Variants in BAZ2A observed in about 807,000 individuals in gnomAD.
The protein encoded by BAZ2A is bromodomain adjacent to zinc finger domain protein 2A.
In BAZ2A, 34 loss-of-function variants were observed where a neutral mutation model predicts 199.9. The ratio of observed to expected loss-of-function variants is 0.17; its 90% CI spans 0.13 to 0.23. BAZ2A has a LOEUF of 0.23. BAZ2A is among the 10% of genes least tolerant of loss of function. BAZ2A has a pLI of 1.00. For synonymous variants in BAZ2A, 857 were observed against 883.9 expected, an observed-to-expected ratio of 0.97 and a Z score of 0.54; for missense variants, 2,002 against 2,391.1, an observed-to-expected ratio of 0.84 and a Z score of 3.39.
rs1431634520 is a variant in BAZ2A, at chr12:56,604,152, C to A, written c.3038+65G>T. The A allele has an allele frequency of 6.1e-6, 9 of 1,472,578 alleles. No individual in the cohort carries two copies. In the Admixed American group the frequency reaches 1.8e-4, roughly 29 times the overall value. 91.2% of individuals were successfully genotyped at this position (1,472,578 alleles called of 1,614,324 possible). On this transcript the variant is annotated intron_variant, in intron 16 of 28. Coordinates refer to ENST00000549884, the MANE Select transcript of BAZ2A (RefSeq NM_001300905.2). ...AAGCATCACATTTCAAGCCAAAACC[C>A]TGGCTATGCTTCACCCGCCCCACTT... is the stretch of plus-strand genomic sequence containing the variant.
intron 7 of BAZ2A, 165 bp downstream of exon 7, chr12:56,611,408 G>T: frequency 1.4e-6 from 1 of 691,060 alleles, no homozygotes; most frequent in Non-Finnish European, 2.4e-6. Context: ...GAAAACCTAG[G>T]AATCTCATGC....
At chr12:56,603,032 CCA>C (rs1950230310) in intron 18 of BAZ2A, among the ~76,000 whole-genome samples, 175 bp from the exon 19 acceptor site, 2 of 152,186 alleles carry the variant, frequency 1.3e-5, no homozygotes, top group African/African-American at 4.8e-5. Flanking sequence ...GCCTGTAATC[CCA>C]GCACTTTGGG....
chr12:56,636,117 C>A, intron 1 of BAZ2A: 3 of 1,520,408 alleles, frequency 2.0e-6, no homozygotes, highest in Non-Finnish European at 2.7e-6. Context: ...CCCACCCCTG[C>A]TGAGTCAGCC....
chr12:56,621,314 C>G (rs548359439), intron 1 of BAZ2A: 1 of 939,934 alleles, frequency 1.1e-6, no homozygotes, highest in Non-Finnish European at 1.3e-6. Context: ...CGATGGCTCA[C>G]AGAAATCAGA....
intron 1 of BAZ2A, among the ~76,000 whole-genome samples, chr12:56,623,134 G>T (rs1018663328): frequency 6.6e-6 from 1 of 152,040 alleles, no homozygotes. Flanking sequence ...TACTCGGGAG[G>T]CTGAGGCAGG....
At chr12:56,625,550 C>T (rs1227728272) in intron 1 of BAZ2A, among the ~76,000 whole-genome samples, 5 of 152,078 alleles carry the variant, frequency 3.3e-5, no homozygotes, top group Admixed American at 6.5e-5. Flanking sequence ...AGGCAGGTTA[C>T]AGAGTCCAAC....
rs1293763264 is a variant in BAZ2A, at chr12:56,606,073, G to A, written c.2260-10C>T. On this transcript the variant is annotated splice_polypyrimidine_tract_variant and intron_variant, in intron 12 of 28. Coordinates refer to ENST00000549884, the MANE Select transcript of BAZ2A (RefSeq NM_001300905.2). ...CTTTTTCTTTCTCAGCCTACCCAAG[G>A]AAGAGAGGAACCAAGACTGCCATAA... 2.6e-6 allele frequency: 4 copies of A among 1,551,184 alleles called. 1 individual carries two copies. The African/African-American group carries it at 5.5e-5, about 21-fold the overall frequency.
Position 56,604,785 on chromosome 12 carries a change from C to A in BAZ2A, c.2763G>T (p.Leu921Phe). The change falls in exon 15 of 29, where the codon TTG (leucine) becomes TTT (phenylalanine). Residue 921 changes from leucine (L) to phenylalanine (F), a missense_variant. Physicochemically the swap from Leu to Phe is conservative, Grantham distance 22. Transcript: ENST00000549884. ...GTGGGATCTCAGACACCTTCTCCCC[C>A]AAGATCTTTAGGGACTGTGTGGAGG... ...FPSYCQSLKI[L>F]GEKVSEIPLT... The A allele has an allele frequency of 6.2e-7, 1 of 1,613,514 alleles. No homozygotes were observed. The highest frequency in any genetic ancestry group is 8.5e-7 in the Non-Finnish European group (1 of 1,179,766).
At chr12:56,612,775 A>T (rs1442692612) in intron 5 of BAZ2A, among the ~76,000 whole-genome samples, 1 of 152,202 alleles carries the variant, frequency 6.6e-6, no homozygotes, top group Non-Finnish European at 1.5e-5. Context: ...GGCATGTGCC[A>T]ACACACCTGG....
upstream of BAZ2A, chr12:56,636,389 A>C: frequency 1.9e-6 from 1 of 526,112 alleles, no homozygotes; most frequent in Non-Finnish European, 2.9e-6. Context: ...TGGGGTGGGG[A>C]GGGAGGAGGG....
chr12:56,618,805 G>A lies in BAZ2A; in HGVS notation c.-2-1273C>T, dbSNP rs140817781. ...GAATCGCTTGAACCCGCAAGGCAGAGGTTGCAGTGAGCTGAAATTGCGCCA... is the reference window on the plus strand; with the variant it reads ...GAATCGCTTGAACCCGCAAGGCAGAAGTTGCAGTGAGCTGAAATTGCGCCA... On this transcript the variant is annotated intron_variant, in intron 1 of 28. Coordinates refer to ENST00000549884, the MANE Select transcript of BAZ2A (RefSeq NM_001300905.2). Among the ~76,000 whole-genome samples, 539 of 152,130 alleles carry A rather than the reference G, an allele frequency of 3.5e-3. 9 individuals are homozygous for A. The East Asian group carries it at 0.055, about 15-fold the overall frequency.
intron 25 of BAZ2A, 39 bp from the exon 26 acceptor site, chr12:56,599,887 G>C: frequency 6.2e-7 from 1 of 1,613,350 alleles, no homozygotes; most frequent in South Asian, 1.1e-5. Flanking sequence ...GAGCTCTCCA[G>C]CCTCTACCTG....
At position 56,603,787 on chromosome 12, in the gene BAZ2A, C is replaced by A. The variant is rs565710905; in HGVS notation, c.3039-87G>T. On this transcript the variant is annotated intron_variant, in intron 16 of 28. Coordinates refer to ENST00000549884, the MANE Select transcript of BAZ2A (RefSeq NM_001300905.2). ...CAGCACTTTGGGAGGCCAAGACAGGCGGATCACCTGAGGTCAGGAGTTCGA... is the reference window on the plus strand; with the variant it reads ...CAGCACTTTGGGAGGCCAAGACAGGAGGATCACCTGAGGTCAGGAGTTCGA... 1.0e-5 allele frequency: 15 copies of A among 1,458,650 alleles called. No individual in the cohort carries two copies. In the African/African-American group the frequency reaches 1.8e-4, roughly 18 times the overall value. 90.4% of individuals were successfully genotyped at this position (1,458,650 alleles called of 1,614,324 possible).
rs1385950722 is a variant in BAZ2A, at chr12:56,600,825, G to C, written c.4458C>G (p.Ile1486Met). The C allele has an allele frequency of 8.7e-6, 14 of 1,613,744 alleles. No homozygotes were observed. Among genetic ancestry groups the C allele is most frequent in the Non-Finnish European group, 1.2e-5 (14 of 1,179,752 alleles). Residue 1486 changes from isoleucine to methionine, a missense_variant, in exon 23 of 29, where the codon ATC becomes ATG. Around this residue, in one of 6 missense-constraint regions of BAZ2A, gnomAD observed 1,081 missense variants for 1,274.7 expected, o/e 0.85. Transcript: ENST00000549884. Reference sequence around the variant, plus strand: ...AGGCAGGTAGTTGCCTGGGCTCAAAGATGGGGTCTGAGAAGAGAGGTGGCA... The same window carrying C: ...AGGCAGGTAGTTGCCTGGGCTCAAACATGGGGTCTGAGAAGAGAGGTGGCA... ...EVCLRPSADP[I>M]FEPRQLPAFQ...
intron 5 of BAZ2A, among the ~76,000 whole-genome samples, chr12:56,612,450 A>G (rs1950588452): frequency 6.6e-6 from 1 of 152,190 alleles, no homozygotes; most frequent in Non-Finnish European, 1.5e-5. Context: ...TTGTGTGAAG[A>G]AATACCTTTT....
rs540319192 is a variant in BAZ2A, at chr12:56,609,868, G to T, written c.1960C>A (p.Arg654=). Residue 654 remains arginine, a synonymous_variant, in exon 10 of 29, where the codon CGA becomes AGA. Transcript: ENST00000549884. ...QAITGKRGRP[R]NTEKAKTKEV... ...TTAGTCTTAGCCTTCTCAGTGTTTCGAGGTCGACCCCGTTTGCCAGTAATT... is the reference window on the plus strand; with the variant it reads ...TTAGTCTTAGCCTTCTCAGTGTTTCTAGGTCGACCCCGTTTGCCAGTAATT... 1.6e-4 allele frequency: 263 copies of T among 1,613,482 alleles called. 7 individuals carry two copies. The South Asian group carries it at 2.8e-3, about 17-fold the overall frequency.
At position 56,601,898 on chromosome 12, in the gene BAZ2A, T is replaced by A. The variant is rs563788201; in HGVS notation, c.3719A>T (p.Gln1240Leu). The change falls in exon 20 of 29, where the codon CAG (glutamine) becomes CTG (leucine). Residue 1240 changes from glutamine to leucine, a missense_variant. Physicochemically the swap from Gln to Leu is moderately radical, Grantham distance 113. This residue lies in a region of BAZ2A where 1,081 missense variants were observed against 1,274.7 expected (regional missense o/e 0.85). Transcript: ENST00000549884. ...TTGCTCCAGGAACCCCTTATGGGACTGAAGCTGAAGCTGAAGCTGAGGCTG... is the reference window on the plus strand; with the variant it reads ...TTGCTCCAGGAACCCCTTATGGGACAGAAGCTGAAGCTGAAGCTGAGGCTG... ...QPQPQLQLQL[Q>L]SHKGFLEQEG... 4 of 1,604,440 alleles carry A rather than the reference T, an allele frequency of 2.5e-6. No individual in the cohort carries two copies. In the East Asian group the frequency reaches 6.7e-5, roughly 27 times the overall value.
rs1407167409 is a variant in BAZ2A at position 56,628,208 on chromosome 12, G to GA, written c.-3+1916dup. 2.0e-3 allele frequency among the ~76,000 whole-genome samples: 244 copies of GA among 121,010 alleles called. 1 individual carries two copies. The highest frequency in any genetic ancestry group is 3.5e-3 in the Non-Finnish European group (198 of 55,952). 79.4% of individuals were successfully genotyped at this position (121,010 alleles called of 152,430 possible). A position where few individuals can be genotyped will look rare whatever the true frequency, so the allele number is the denominator to read the frequency against. On this transcript the variant is annotated intron_variant, in intron 1 of 28. Coordinates refer to ENST00000549884, the MANE Select transcript of BAZ2A (RefSeq NM_001300905.2). Reference sequence around the variant, plus strand: ...AAAAAAAAAAAAAAAAAGACAGAAAGAAAAAAAAAGAAAAGAAAAAGAAAA... The same window carrying GA: ...AAAAAAAAAAAAAAAAAGACAGAAAGAAAAAAAAAAGAAAAGAAAAAGAAAA...
chr12:56,621,714 A>G (rs1258359190), intron 1 of BAZ2A, among the ~76,000 whole-genome samples: 1 of 151,542 alleles, frequency 6.6e-6, no homozygotes, highest in East Asian at 1.9e-4. Flanking sequence ...CTTGAGACAG[A>G]GTCTCACTCT....
Sources: allele counts gnomAD v4.1 joint callset (sites outside exome capture counted in the v4.1 genomes callset), GRCh38; gene constraint gnomAD v4.1.1; regional missense constraint gnomAD v4.1.1; transcripts MANE v1.5; gene names NCBI Gene and HGNC (gene_info 2026-07-23, HGNC 2026-07-21).